Variants in PPP6R2 observed in about 807,000 individuals in gnomAD.
The protein encoded by PPP6R2 is serine/threonine-protein phosphatase 6 regulatory subunit 2.
PPP6R2 carries 62 observed loss-of-function variants against 100.2 expected under a neutral mutation model. The observed-to-expected ratio is 0.62, with a 90% CI of 0.50 to 0.76. PPP6R2 has a LOEUF of 0.76. PPP6R2 is among the 30% of genes least tolerant of loss of function. PPP6R2 has a pLI of 0.00. For synonymous variants in PPP6R2, 525 were observed against 514.7 expected (o/e 1.02, Z -0.27); for missense variants, 1,142 against 1,276.3 (o/e 0.89, Z 1.60).
intron 1 of PPP6R2, among the ~76,000 whole-genome samples, chr22:50,358,278 T>C (rs1425100508): frequency 6.6e-6 from 1 of 152,204 alleles, no homozygotes; most frequent in Non-Finnish European, 1.5e-5. Context: ...TTTTGTTTTG[T>C]TGTTTCTTAT....
At chr22:50,417,023 A>G (rs150629374) in intron 6 of PPP6R2, among the ~76,000 whole-genome samples, 2 of 151,944 alleles carry the variant, frequency 1.3e-5, no homozygotes, top group African/African-American at 4.8e-5. Flanking sequence ...ATAGCAAATT[A>G]CCCTGAAATG....
At chr22:50,340,159 G>A (rs1412743904), upstream of PPP6R2, among the ~76,000 whole-genome samples, 8 of 122,804 alleles carry the variant, frequency 6.5e-5, no homozygotes, top group Admixed American at 1.7e-4. Context: ...TGTGTAGGGC[G>A]TGTGGTGTGT....
chr22:50,421,388 G>A (rs905049728), intron 8 of PPP6R2, among the ~76,000 whole-genome samples: 5 of 152,108 alleles, frequency 3.3e-5, no homozygotes, highest in Non-Finnish European at 5.9e-5. Flanking sequence ...TGTCACCCAC[G>A]TGGGAGTACA....
chr22:50,332,457 C>G, the PPP6R2 span, among the ~76,000 whole-genome samples: 1 of 151,362 alleles, frequency 6.6e-6, no homozygotes, highest in South Asian at 2.1e-4. Flanking sequence ...GTCTTGATCT[C>G]CTGACCTCGT....
intron 4 of PPP6R2, among the ~76,000 whole-genome samples, chr22:50,410,005 G>A (rs185390510): frequency 6.6e-6 from 1 of 152,238 alleles, no homozygotes; most frequent in East Asian, 1.9e-4. Context: ...TGGGATTACA[G>A]GTGTGAGCCA....
Position 50,437,859 on chromosome 22 carries a change from A to G in PPP6R2, c.1798A>G (p.Ile600Val). The G allele has an allele frequency of 1.3e-6, 2 of 1,553,482 alleles. No homozygotes were observed. The highest frequency in any genetic ancestry group is 1.7e-6 in the Non-Finnish European group (2 of 1,148,128). The change falls in exon 17 of 24, where the codon ATC (isoleucine) becomes GTC (valine). Residue 600 changes from isoleucine to valine, a missense_variant. Coordinates refer to ENST00000612753, the MANE Select transcript of PPP6R2 (RefSeq NM_001242898.2). ...CTCTTGCAGTGCCCCGTTTGACAGG[A>G]TCGCAGAGATCAACTTCAACATCGA... The part of the protein sequence containing the change: ...DDNINAPFDR[I>V]AEINFNIDAD...
At chr22:50,433,016 C>T (rs540799001) in intron 12 of PPP6R2, among the ~76,000 whole-genome samples, 5 of 152,378 alleles carry the variant, frequency 3.3e-5, no homozygotes, top group Admixed American at 2.0e-4. Flanking sequence ...ACGCCACGGC[C>T]TTTCTGCCTC....
At chr22:50,421,505 GCT>G (rs2061331375) in intron 8 of PPP6R2, among the ~76,000 whole-genome samples, 1 of 152,220 alleles carries the variant, frequency 6.6e-6, no homozygotes, top group African/African-American at 2.4e-5. Flanking sequence ...ACTGCACCTG[GCT>G]CTCTGATTTT....
intron 4 of PPP6R2, among the ~76,000 whole-genome samples, chr22:50,411,841 C>G (rs542480912): frequency 2.6e-5 from 4 of 151,954 alleles, no homozygotes; most frequent in African/African-American, 4.8e-5. Flanking sequence ...GTCAGGAGAT[C>G]GAGACCGTCC....
intron 1 of PPP6R2, among the ~76,000 whole-genome samples, chr22:50,370,523 G>C (rs943684383): frequency 6.6e-6 from 1 of 151,712 alleles, no homozygotes; most frequent in Non-Finnish European, 1.5e-5. Flanking sequence ...GCCTGACCTC[G>C]TGATCCACCC....
chr22:50,425,984 T>A (rs1460537476), intron 10 of PPP6R2, among the ~76,000 whole-genome samples: 2 of 151,976 alleles, frequency 1.3e-5, no homozygotes, highest in East Asian at 3.9e-4. Context: ...ACATAAAAAA[T>A]TTTTTTTAGA....
intron 1 of PPP6R2, among the ~76,000 whole-genome samples, chr22:50,361,464 C>A (rs918832507): frequency 1.3e-5 from 2 of 152,160 alleles, no homozygotes; most frequent in Non-Finnish European, 2.9e-5. Flanking sequence ...TACTGCCACT[C>A]TCCTGTGGCT....
At chr22:50,371,619 A>T (rs989325176) in intron 1 of PPP6R2, among the ~76,000 whole-genome samples, 1 of 151,620 alleles carries the variant, frequency 6.6e-6, no homozygotes, top group Non-Finnish European at 1.5e-5. Context: ...ATGCTGTTCC[A>T]TTGCTTTATT....
chr22:50,373,616 A>G (rs942805387), intron 2 of PPP6R2, among the ~76,000 whole-genome samples: 1 of 151,992 alleles, frequency 6.6e-6, no homozygotes, highest in Non-Finnish European at 1.5e-5. Flanking sequence ...CAGTGGTGTG[A>G]TCATAGCTCA....
the PPP6R2 span, among the ~76,000 whole-genome samples, chr22:50,331,048 C>T: frequency 6.6e-6 from 1 of 152,180 alleles, no homozygotes; most frequent in South Asian, 2.1e-4. Flanking sequence ...CCTGTGTCAG[C>T]AGCAACCGGA....
intron 19 of PPP6R2, 37 bp downstream of exon 19, chr22:50,438,799 C>CG: frequency 6.4e-7 from 1 of 1,551,448 alleles, no homozygotes; most frequent in Non-Finnish European, 8.7e-7. Flanking sequence ...GTGTGGGTAT[C>CG]GGGGACAGGA....
intron 2 of PPP6R2, among the ~76,000 whole-genome samples, chr22:50,376,425 T>G (rs1569331767): frequency 6.6e-6 from 1 of 152,170 alleles, no homozygotes; most frequent in Non-Finnish European, 1.5e-5. Flanking sequence ...AGTGTACTTT[T>G]TGTATGTGTG....
At chr22:50,418,535 C>T (rs916998421) in intron 6 of PPP6R2, among the ~76,000 whole-genome samples, 2 of 151,950 alleles carry the variant, frequency 1.3e-5, no homozygotes, top group African/African-American at 2.4e-5. Flanking sequence ...TACAGGCACC[C>T]GCCACCACGC....
intron 2 of PPP6R2, among the ~76,000 whole-genome samples, chr22:50,384,520 A>G (rs1331165764): frequency 6.6e-6 from 1 of 152,182 alleles, no homozygotes; most frequent in Non-Finnish European, 1.5e-5. Context: ...GCGCCACTGC[A>G]CTCCAGTCTG....
Sources: allele counts gnomAD v4.1 joint callset (sites outside exome capture counted in the v4.1 genomes callset), GRCh38; gene constraint gnomAD v4.1.1; transcripts MANE v1.5; gene names NCBI Gene and HGNC (gene_info 2026-07-23, HGNC 2026-07-21).